NELL2: variants seen among roughly 807,000 people sequenced by gnomAD.
The protein encoded by NELL2 is protein kinase C-binding protein NELL2.
In NELL2, 41 loss-of-function variants were observed where a neutral mutation model predicts 109.6. That is an observed-to-expected ratio of 0.37 (90% CI 0.29 to 0.49). The LOEUF (loss-of-function observed/expected upper bound fraction) is 0.49, where lower values mean the gene tolerates loss of function less well. Ranked by LOEUF, NELL2 falls within the 20% of genes least tolerant of loss-of-function variation. NELL2 has a pLI of 0.98. For missense variants in NELL2, 900 were observed against 1,008.3 expected (o/e 0.89, Z 1.45); for synonymous variants, 355 against 344.7 (o/e 1.03, Z -0.33).
chr12:44,526,912 C>T (rs1304107634), intron 16 of NELL2, among the ~76,000 whole-genome samples: 2 of 152,228 alleles, frequency 1.3e-5, no homozygotes, highest in East Asian at 3.9e-4. Flanking sequence ...TTACTTTCAT[C>T]ACCTCCTTTC....
intron 2 of NELL2, among the ~76,000 whole-genome samples, chr12:44,871,116 C>T (rs532338832): frequency 6.6e-6 from 1 of 152,196 alleles, no homozygotes; most frequent in East Asian, 1.9e-4. Context: ...CACACTAGTC[C>T]CTTTGCCTAT....
At chr12:44,648,900 T>TTG (rs563769057) in intron 13 of NELL2, among the ~76,000 whole-genome samples, 29,761 of 106,918 alleles carry the variant, frequency 0.28, 4,256 homozygotes, top group Non-Finnish European at 0.33. Context: ...CACGCCCAGC[T>TTG]TGTGTGTGTG....
intron 8 of NELL2, among the ~76,000 whole-genome samples, chr12:44,775,517 C>T (rs1336911257): frequency 6.6e-6 from 1 of 152,128 alleles, no homozygotes; most frequent in African/African-American, 2.4e-5. Flanking sequence ...ACTTCATTAG[C>T]GAGCAATTAG....
chr12:44,803,768 CTA>C (rs1367998856), intron 3 of NELL2, among the ~76,000 whole-genome samples: 1 of 151,806 alleles, frequency 6.6e-6, no homozygotes, highest in African/African-American at 2.4e-5. Context: ...TATTTAGAAA[CTA>C]TTCATCAATT....
At chr12:44,761,504 C>T (rs1941124058) in intron 9 of NELL2, among the ~76,000 whole-genome samples, 1 of 152,140 alleles carries the variant, frequency 6.6e-6, no homozygotes, top group Non-Finnish European at 1.5e-5. Context: ...AACTACCATT[C>T]AACCCAGCAA....
At chr12:44,642,728 A>C (rs1277062177) in intron 13 of NELL2, among the ~76,000 whole-genome samples, 1 of 152,122 alleles carries the variant, frequency 6.6e-6, no homozygotes, top group Non-Finnish European at 1.5e-5. Context: ...CTAAAAATAC[A>C]AAAATTAGCT....
rs1293549712 is a variant in NELL2, at chr12:44,911,746, T to C, written c.38+2053A>G. 3.3e-5 allele frequency among the ~76,000 whole-genome samples: 5 copies of C among 151,972 alleles called. No individual in the cohort carries two copies. In the East Asian group the frequency reaches 7.7e-4, roughly 23 times the overall value. ...ACCGATAAACAAGAGAAAAAACATG[T>C]ATGTAAGCAAAATATATATTTATAA... On this transcript the variant is annotated intron_variant, in intron 1 of 20. Transcript: ENST00000333837.
At chr12:44,685,151 T>A (rs1193663985) in intron 12 of NELL2, among the ~76,000 whole-genome samples, 1 of 152,238 alleles carries the variant, frequency 6.6e-6, no homozygotes, top group African/African-American at 2.4e-5. Flanking sequence ...CTTGTTGAAT[T>A]GATCCCTTTA....
chr12:44,756,045 T>C (rs1190317606), intron 9 of NELL2, among the ~76,000 whole-genome samples: 1 of 152,186 alleles, frequency 6.6e-6, no homozygotes, highest in Non-Finnish European at 1.5e-5. Flanking sequence ...TTCTCTCCAG[T>C]AATTCACCTT....
intron 3 of NELL2, among the ~76,000 whole-genome samples, chr12:44,792,419 G>T (rs1407623889): frequency 6.6e-6 from 1 of 151,772 alleles, no homozygotes; most frequent in African/African-American, 2.4e-5. Context: ...TTGTAAAAAA[G>T]GGAAATTAGC....
chr12:44,597,264 T>C (rs373330721), intron 15 of NELL2, among the ~76,000 whole-genome samples: 5 of 152,186 alleles, frequency 3.3e-5, no homozygotes, highest in African/African-American at 7.2e-5. Context: ...CCTTTCATTT[T>C]TCTTATTTTT....
chr12:44,875,060 C>T (rs1293365024), intron 2 of NELL2, 165 bp downstream of exon 2: 5 of 918,148 alleles, frequency 5.4e-6, no homozygotes, highest in Non-Finnish European at 7.9e-6. Flanking sequence ...GAGAAAAAAC[C>T]ACTTAAAAGA....
At chr12:44,820,896 G>A (rs916702267) in intron 2 of NELL2, among the ~76,000 whole-genome samples, 6 of 151,376 alleles carry the variant, frequency 4.0e-5, no homozygotes, top group Admixed American at 1.3e-4. Flanking sequence ...GACAATATAG[G>A]TTTAGAAGTC....
chr12:44,581,579 C>T (rs1365457466), intron 15 of NELL2, among the ~76,000 whole-genome samples: 2 of 151,994 alleles, frequency 1.3e-5, no homozygotes, highest in Non-Finnish European at 2.9e-5. Flanking sequence ...ATATTATGTA[C>T]AAAACCATTA....
chr12:44,682,250 CT>C (rs1440911884), intron 12 of NELL2, among the ~76,000 whole-genome samples: 2 of 150,636 alleles, frequency 1.3e-5, no homozygotes, highest in Non-Finnish European at 2.9e-5. Flanking sequence ...CCTTTGCCCA[CT>C]TTTTGATGGG....
chr12:44,536,927 T>G (rs1010990668), intron 15 of NELL2, among the ~76,000 whole-genome samples: 6 of 149,574 alleles, frequency 4.0e-5, no homozygotes, highest in African/African-American at 1.5e-4. Context: ...AAGGCACTGC[T>G]GAGGGTAGAT....
chr12:44,735,656 C>A (rs891883553), intron 9 of NELL2, among the ~76,000 whole-genome samples: 1 of 152,154 alleles, frequency 6.6e-6, no homozygotes, highest in Non-Finnish European at 1.5e-5. Context: ...GAAGAAAAGA[C>A]CCTCATAGCA....
chr12:44,881,624 G>C (rs1945412875), intron 1 of NELL2, among the ~76,000 whole-genome samples: 1 of 151,962 alleles, frequency 6.6e-6, no homozygotes, highest in Non-Finnish European at 1.5e-5. Context: ...TTTAAAAAAT[G>C]AATATAGTCA....
chr12:44,905,410 G>A (rs958658431), intron 1 of NELL2, among the ~76,000 whole-genome samples: 1 of 151,916 alleles, frequency 6.6e-6, no homozygotes, highest in African/African-American at 2.4e-5. Context: ...CCAAGCATAA[G>A]TTCTTGTAGC....
Sources: allele counts gnomAD v4.1 joint callset (sites outside exome capture counted in the v4.1 genomes callset), GRCh38; gene constraint gnomAD v4.1.1; transcripts MANE v1.5; gene names NCBI Gene and HGNC (gene_info 2026-07-23, HGNC 2026-07-21).